The following UBE3C variants were observed in gnomAD, a reference collection of about 807,000 sequenced individuals.
UBE3C encodes the protein ubiquitin protein ligase E3C, also known as ubiquitin-protein ligase E3C.
UBE3C carries 42 observed loss-of-function variants against 129.4 expected under a neutral mutation model. The observed-to-expected ratio is 0.32, with a 90% confidence interval of 0.25 to 0.42. UBE3C has a LOEUF of 0.42. UBE3C is among the 10% of genes least tolerant of loss of function. UBE3C has a pLI of 1.00. For synonymous variants in UBE3C, 510 were observed against 492.4 expected, an observed-to-expected ratio of 1.04 and a Z score of -0.47; for missense variants, 1,049 against 1,319.1, an observed-to-expected ratio of 0.80 and a Z score of 3.17.
chr7:157,211,815 A>T (rs1425657295), intron 13 of UBE3C, among the ~76,000 whole-genome samples: 1 of 152,194 alleles, frequency 6.6e-6, no homozygotes. Context: ...AAATGAATTC[A>T]CACAGGGTGC....
At position 157,181,615 on chromosome 7, in the gene UBE3C, A is replaced by G. The variant is rs777350710; in HGVS notation, c.714A>G (p.Leu238=). 6.2e-7 allele frequency: 1 copy of G among 1,613,844 alleles called. No individual in the cohort carries two copies. Among genetic ancestry groups the G allele is most frequent in the Non-Finnish European group, 8.5e-7 (1 of 1,179,928 alleles). ...GAGTTCCTATAGCAAAAATTTTGCT[A>G]GAGAATGTTCTAAAACCATTGCACT... ...LSRVPIAKIL[L]ENVLKPLHFT... The change falls in exon 7 of 23, where the codon CTA becomes CTG. Residue 238 remains leucine, a synonymous_variant. Coordinates refer to ENST00000348165, the MANE Select transcript of UBE3C (RefSeq NM_014671.3).
At chr7:157,240,275 G>A (rs557113363) in intron 18 of UBE3C, among the ~76,000 whole-genome samples, 3 of 152,186 alleles carry the variant, frequency 2.0e-5, no homozygotes, top group Non-Finnish European at 2.9e-5. Flanking sequence ...GGCTGGTCTC[G>A]AATTCCTGGC....
chr7:157,200,806 A>G (rs561158743), intron 10 of UBE3C, among the ~76,000 whole-genome samples: 2 of 152,056 alleles, frequency 1.3e-5, no homozygotes, highest in Admixed American at 6.6e-5. Context: ...CATAGAGATG[A>G]GGTCTCACCA....
intron 10 of UBE3C, among the ~76,000 whole-genome samples, chr7:157,187,404 T>G (rs1223187819): frequency 6.7e-6 from 1 of 149,444 alleles, no homozygotes; most frequent in African/African-American, 2.5e-5. Flanking sequence ...TTCTTCTTCT[T>G]CAGACAGCAT....
chr7:157,186,689 C>A, intron 9 of UBE3C, 145 bp from the exon 10 acceptor site: 1 of 865,158 alleles, frequency 1.2e-6, no homozygotes, highest in Non-Finnish European at 1.7e-6. Flanking sequence ...GGATTTCACA[C>A]TAAGTGTACT....
In UBE3C at chr7:157,169,126, A is replaced by C; in HGVS notation, c.195+4A>C. ...CTATAGAGACAGAAAACAGCAAGTA[A>C]GTTTGTTTTAAAATGAGGAGATTAG... On this transcript the variant is annotated splice_donor_region_variant and intron_variant, in intron 3 of 22. Coordinates refer to ENST00000348165, the MANE Select transcript of UBE3C (RefSeq NM_014671.3). 6.2e-7 allele frequency: 1 copy of C among 1,612,126 alleles called. No individual in the cohort carries two copies. Among genetic ancestry groups the C allele is most frequent in the Non-Finnish European group, 8.5e-7 (1 of 1,178,770 alleles).
chr7:157,189,648 T>C (rs1032334092), intron 10 of UBE3C, among the ~76,000 whole-genome samples: 1 of 152,220 alleles, frequency 6.6e-6, no homozygotes, highest in Non-Finnish European at 1.5e-5. Flanking sequence ...TTCACATTCC[T>C]CGTCCTTCCT....
chr7:157,139,912 C>A, intron 1 of UBE3C: 2 of 766,592 alleles, frequency 2.6e-6, no homozygotes, highest in Non-Finnish European at 3.2e-6. Flanking sequence ...TGAATAGCCA[C>A]GTGTTTGAAT....
chr7:157,194,444 A>G (rs1288467528), intron 10 of UBE3C, among the ~76,000 whole-genome samples: 1 of 152,198 alleles, frequency 6.6e-6, no homozygotes, highest in African/African-American at 2.4e-5. Context: ...TCTGGCAGAG[A>G]AGTAGGCATA....
intron 1 of UBE3C, among the ~76,000 whole-genome samples, chr7:157,143,499 T>C (rs1807516207): frequency 6.6e-6 from 1 of 152,206 alleles, no homozygotes; most frequent in East Asian, 1.9e-4. Flanking sequence ...GTCTCCTTCA[T>C]TCCTGGCTCT....
intron 15 of UBE3C, 145 bp downstream of exon 15, chr7:157,220,921 AC>A: frequency 1.0e-6 from 1 of 959,842 alleles, no homozygotes; most frequent in Non-Finnish European, 1.5e-6. Flanking sequence ...AAGTTTCATC[AC>A]CCACAAAATT....
At chr7:157,220,288 CTG>C (rs1795701605) in intron 14 of UBE3C, among the ~76,000 whole-genome samples, 1 of 151,792 alleles carries the variant, frequency 6.6e-6, no homozygotes. Context: ...AGAAAATATA[CTG>C]TGTCTGTTTT....
chr7:157,191,291 A>G (rs918172585), intron 10 of UBE3C, among the ~76,000 whole-genome samples: 31 of 151,944 alleles, frequency 2.0e-4, no homozygotes, highest in African/African-American at 7.2e-4. Flanking sequence ...TTTTGTCTTT[A>G]TTTTTGTTTT....
At chr7:157,206,424 A>C (rs1809435576) in intron 11 of UBE3C, among the ~76,000 whole-genome samples, 1 of 151,836 alleles carries the variant, frequency 6.6e-6, no homozygotes, top group African/African-American at 2.4e-5. Flanking sequence ...CACCACACCC[A>C]GCTAATTTTT....
At chr7:157,146,684 G>A (rs1247728979) in intron 1 of UBE3C, among the ~76,000 whole-genome samples, 6 of 149,648 alleles carry the variant, frequency 4.0e-5, no homozygotes, top group Non-Finnish European at 6.0e-5. Flanking sequence ...TTGAGAGGGA[G>A]CCTCCTGTTG....
chr7:157,157,616 A>G (rs1042614849), intron 1 of UBE3C, among the ~76,000 whole-genome samples: 6 of 152,318 alleles, frequency 3.9e-5, no homozygotes, highest in African/African-American at 7.2e-5. Flanking sequence ...CACATTTGCA[A>G]GGATATCCAC....
At chr7:157,215,738 A>G (rs1795547470) in intron 13 of UBE3C, among the ~76,000 whole-genome samples, 1 of 151,854 alleles carries the variant, frequency 6.6e-6, no homozygotes, top group Non-Finnish European at 1.5e-5. Flanking sequence ...ATATGATCCA[A>G]TCCTGGTTGT....
In UBE3C at chr7:157,267,826, C is replaced by A. The variant is rs1449395291; in HGVS notation, c.*71C>A. 2.2e-6 allele frequency: 3 copies of A among 1,376,980 alleles called. No individual in the cohort carries two copies. Among genetic ancestry groups the A allele is most frequent in the East Asian group, 2.5e-5 (1 of 39,830 alleles). 85.3% of individuals were successfully genotyped at this position (1,376,980 alleles called of 1,614,324 possible). On this transcript the variant is annotated 3_prime_UTR_variant, in exon 23 of 23. Coordinates refer to ENST00000348165, the MANE Select transcript of UBE3C (RefSeq NM_014671.3). ...CGTCAGCAGCGCCTCCCCAGACCCA[C>A]GAGGATACTCACACTGCACGCCTGA...
intron 22 of UBE3C, among the ~76,000 whole-genome samples, chr7:157,264,398 C>T (rs560240627): frequency 2.8e-5 from 3 of 106,384 alleles, no homozygotes; most frequent in East Asian, 6.6e-4. Flanking sequence ...TCAACATGCT[C>T]GGCCTGTTAC....
Sources: allele counts gnomAD v4.1 joint callset (sites outside exome capture counted in the v4.1 genomes callset), GRCh38; gene constraint gnomAD v4.1.1; transcripts MANE v1.5; gene names NCBI Gene and HGNC (gene_info 2026-07-23, HGNC 2026-07-21).